Variants in LRMDA observed in about 807,000 individuals in gnomAD.
The protein encoded by LRMDA is leucine rich melanocyte differentiation associated, also known as leucine-rich melanocyte differentiation-associated protein.
LRMDA carries 18 observed loss-of-function variants against 29.8 expected under a neutral mutation model. The ratio of observed to expected loss-of-function variants is 0.60; its 90% CI spans 0.42 to 0.90. The LOEUF is 0.90. LRMDA is among the 40% of genes least tolerant of loss of function. LRMDA has a pLI of 0.00. For missense variants in LRMDA, 273 were observed against 273.9 expected (o/e 1.00, Z 0.02); for synonymous variants, 125 against 109.4 (o/e 1.14, Z -0.89).
chr10:76,485,904 C>T (rs1468513842), intron 6 of LRMDA, among the ~76,000 whole-genome samples: 2 of 151,744 alleles, frequency 1.3e-5, no homozygotes, highest in African/African-American at 4.8e-5. Flanking sequence ...AGCTCCCAGG[C>T]TAGGATATAT....
At chr10:76,122,423 A>G (rs11001620) in intron 5 of LRMDA, among the ~76,000 whole-genome samples, 25,701 of 151,974 alleles carry the variant, frequency 0.17, 2,358 homozygotes, top group Admixed American at 0.24. Context: ...CAATCTAGGT[A>G]CAAATCTTGT....
intron 2 of LRMDA, among the ~76,000 whole-genome samples, chr10:75,905,132 C>T (rs904258074): frequency 4.6e-5 from 7 of 152,030 alleles, no homozygotes; most frequent in African/African-American, 9.7e-5. Context: ...CTGTTTTACT[C>T]GGCTATCTGA....
chr10:75,572,407 T>A (rs551460013), intron 2 of LRMDA, among the ~76,000 whole-genome samples: 1 of 152,098 alleles, frequency 6.6e-6, no homozygotes, highest in South Asian at 2.1e-4. Flanking sequence ...ACAGGCTTTG[T>A]TTTATTCTTT....
chr10:75,763,387 G>C (rs534888744), intron 2 of LRMDA, among the ~76,000 whole-genome samples: 4 of 152,216 alleles, frequency 2.6e-5, no homozygotes, highest in Admixed American at 6.5e-5. Flanking sequence ...AAAAAACCTA[G>C]TCTTTGCAAC....
chr10:76,261,814 C>G (rs1839947752), intron 5 of LRMDA, among the ~76,000 whole-genome samples: 1 of 152,114 alleles, frequency 6.6e-6, no homozygotes, highest in Admixed American at 6.5e-5. Context: ...GTCATATAAA[C>G]TCATTGATGT....
chr10:76,206,316 G>A (rs1458872435), intron 5 of LRMDA, among the ~76,000 whole-genome samples: 4 of 152,126 alleles, frequency 2.6e-5, no homozygotes, highest in Non-Finnish European at 1.5e-5. Context: ...TCAAACTCCT[G>A]TCACCTTTCA....
intron 2 of LRMDA, among the ~76,000 whole-genome samples, chr10:75,637,419 G>T (rs1288809997): frequency 6.6e-6 from 1 of 152,128 alleles, no homozygotes; most frequent in Non-Finnish European, 1.5e-5. Context: ...GGGAGGAGGC[G>T]GAGGAAGAGG....
chr10:76,139,529 A>G (rs1460535747), intron 5 of LRMDA, among the ~76,000 whole-genome samples: 1 of 152,134 alleles, frequency 6.6e-6, no homozygotes, highest in African/African-American at 2.4e-5. Context: ...GTTGATAGAA[A>G]CTTGTCAATC....
At chr10:76,485,960 G>A in intron 6 of LRMDA, among the ~76,000 whole-genome samples, 1 of 151,750 alleles carries the variant, frequency 6.6e-6, no homozygotes, top group Non-Finnish European at 1.5e-5. Context: ...CCAAACAGGG[G>A]CTCACTGAAT....
At chr10:75,451,520 C>A (rs1021021815) in intron 2 of LRMDA, 1 of 152,006 alleles carries the variant, frequency 6.6e-6, no homozygotes, top group Non-Finnish European at 1.5e-5. Flanking sequence ...CAGTGCAGAG[C>A]TAAATAAATG....
At chr10:75,733,920 G>C (rs758485677) in intron 2 of LRMDA, among the ~76,000 whole-genome samples, 1 of 152,196 alleles carries the variant, frequency 6.6e-6, no homozygotes, top group Non-Finnish European at 1.5e-5. Flanking sequence ...ACTTTTATCG[G>C]TAGTAGCCTA....
At chr10:76,120,398 G>A (rs1486265430) in intron 5 of LRMDA, among the ~76,000 whole-genome samples, 1 of 152,002 alleles carries the variant, frequency 6.6e-6, no homozygotes, top group Non-Finnish European at 1.5e-5. Flanking sequence ...ATGTTGGGCA[G>A]GCTGGTCTCG....
intron 6 of LRMDA, among the ~76,000 whole-genome samples, chr10:76,468,096 A>G (rs1242791980): frequency 1.3e-5 from 2 of 151,950 alleles, no homozygotes; most frequent in Non-Finnish European, 2.9e-5. Context: ...ATAGGTCACA[A>G]GGGAAGTGTA....
intron 2 of LRMDA, among the ~76,000 whole-genome samples, chr10:75,991,035 T>C (rs1847359209): frequency 6.6e-6 from 1 of 152,126 alleles, no homozygotes; most frequent in African/African-American, 2.4e-5. Flanking sequence ...TCTCACAAAA[T>C]TGTCAAGATG....
intron 2 of LRMDA, among the ~76,000 whole-genome samples, chr10:75,781,243 G>T (rs1843379191): frequency 1.3e-5 from 2 of 152,164 alleles, no homozygotes; most frequent in East Asian, 1.9e-4. Context: ...ACTGAATTTT[G>T]CATTTTTCAT....
chr10:76,058,667 T>G lies in LRMDA; in HGVS notation c.400T>G (p.Cys134Gly). ...TTGTCTCTGACTCTTATCTTCCAGA[T>G]GCTTTGTTCTGTACAAGCTGCCCAA... is the stretch of plus-strand genomic sequence containing the variant. The part of the protein sequence containing the change: ...KDEEDYKRYR[C>G]FVLYKLPNLK... The change falls in exon 5 of 7, where the codon TGC becomes GGC. Residue 134 changes from cysteine (C) to glycine (G), a missense_variant and splice_region_variant. Transcript: ENST00000611255. 1.2e-6 allele frequency: 2 copies of G among 1,612,116 alleles called. No individual in the cohort carries two copies. Among genetic ancestry groups the G allele is most frequent in the Non-Finnish European group, 8.5e-7 (1 of 1,178,138 alleles).
At chr10:75,434,638 A>T (rs1210101005) in intron 1 of LRMDA, among the ~76,000 whole-genome samples, 1 of 152,224 alleles carries the variant, frequency 6.6e-6, no homozygotes, top group Non-Finnish European at 1.5e-5. Context: ...CCAGGCTGAC[A>T]TGCAGTAGCG....
At chr10:75,942,211 G>A (rs1009611962) in intron 2 of LRMDA, among the ~76,000 whole-genome samples, 3 of 151,974 alleles carry the variant, frequency 2.0e-5, no homozygotes, top group Admixed American at 2.0e-4. Flanking sequence ...ATACAAATGT[G>A]GTGATGTGTT....
At chr10:75,504,309 T>C (rs1845147849) in intron 2 of LRMDA, among the ~76,000 whole-genome samples, 1 of 152,176 alleles carries the variant, frequency 6.6e-6, no homozygotes, top group African/African-American at 2.4e-5. Flanking sequence ...TGAGTGCCTC[T>C]ATGTGCCATG....
Sources: gnomAD v4.1 joint callset for allele counts (sites outside exome capture counted in the v4.1 genomes callset) on GRCh38, gnomAD v4.1.1 for gene constraint, MANE v1.5 for transcripts, NCBI Gene and HGNC (gene_info 2026-07-23, HGNC 2026-07-21) for gene names.